The following ZPBP variants were observed in gnomAD, a reference collection of about 807,000 sequenced individuals.
ZPBP encodes the protein zona pellucida binding protein, also known as zona pellucida-binding protein 1.
A neutral mutation model predicts 44.8 loss-of-function variants in ZPBP; 26 were observed. The ratio of observed to expected loss-of-function variants is 0.58; its 90% CI spans 0.43 to 0.81. The LOEUF (loss-of-function observed/expected upper bound fraction) is 0.81, where lower values mean the gene tolerates loss of function less well. Ranked by LOEUF, ZPBP falls within the 30% of genes least tolerant of loss-of-function variation. The pLI is 0.00. For synonymous variants in ZPBP, 174 were observed against 153.2 expected (o/e 1.14, Z -1.00); for missense variants, 409 against 434.0 (o/e 0.94, Z 0.51).
intron 6 of ZPBP, among the ~76,000 whole-genome samples, chr7:50,010,535 A>G (rs1286045870): frequency 2.0e-5 from 3 of 152,188 alleles, no homozygotes; most frequent in Non-Finnish European, 1.5e-5. Flanking sequence ...TACACAAATC[A>G]GTTGCACTGC....
At chr7:49,878,217 G>A (rs1248325279) in intron 2 of ZPBP, among the ~76,000 whole-genome samples, 3 of 151,956 alleles carry the variant, frequency 2.0e-5, no homozygotes, top group Non-Finnish European at 4.4e-5. Context: ...ACATATATTC[G>A]TTCCTTGTAT....
rs1472673101 is a variant in ZPBP at position 50,069,075 on chromosome 7, C to T, written c.335-10934G>A. 1.9e-4 allele frequency among the ~76,000 whole-genome samples: 29 copies of T among 152,302 alleles called. No homozygotes were observed. The East Asian group carries it at 2.5e-3, about 13-fold the overall frequency. Reference sequence around the variant, plus strand: ...AACTTGGGCACGGCCAGATCTGAGACGGCCTGCCTGACTTTTTGAGCCTTT... The same window carrying T: ...AACTTGGGCACGGCCAGATCTGAGATGGCCTGCCTGACTTTTTGAGCCTTT... On this transcript the variant is annotated intron_variant, in intron 3 of 7. Transcript: ENST00000046087.
intron 1 of ZPBP, among the ~76,000 whole-genome samples, chr7:49,903,381 T>C (rs1408738389): frequency 1.3e-5 from 2 of 152,184 alleles, no homozygotes; most frequent in African/African-American, 4.8e-5. Flanking sequence ...GGTACAGCCA[T>C]ACCATGGAAT....
At chr7:49,961,060 A>G in intron 7 of ZPBP, among the ~76,000 whole-genome samples, 1 of 152,202 alleles carries the variant, frequency 6.6e-6, no homozygotes, top group South Asian at 2.1e-4. Flanking sequence ...TTAAAAATAA[A>G]TAAAGTTAAA....
intron 7 of ZPBP, among the ~76,000 whole-genome samples, chr7:49,957,414 C>G (rs977729457): frequency 3.3e-5 from 5 of 152,158 alleles, no homozygotes; most frequent in African/African-American, 1.2e-4. Flanking sequence ...AAAGAGAGGC[C>G]TAGTGGGCCC....
intron 7 of ZPBP, among the ~76,000 whole-genome samples, chr7:49,981,622 T>TATTATACTA (rs1562820285): frequency 1.0e-4 from 1 of 9,536 alleles, no homozygotes; most frequent in Admixed American, 1.2e-3. Flanking sequence ...TTATATTATA[T>TATTATACTA]TATATTATAT....
intron 4 of ZPBP, among the ~76,000 whole-genome samples, chr7:50,052,300 A>G (rs976720052): frequency 8.5e-5 from 13 of 152,246 alleles, no homozygotes; most frequent in Admixed American, 2.0e-4. Flanking sequence ...ATATGAACAG[A>G]AATTTTACCT....
chr7:50,008,587 A>C (rs1296303081), intron 6 of ZPBP, among the ~76,000 whole-genome samples: 5 of 152,146 alleles, frequency 3.3e-5, no homozygotes, highest in Non-Finnish European at 7.4e-5. Flanking sequence ...GAACAGAAAA[A>C]CTGAAAGGCT....
At chr7:50,004,002 A>G (rs1286985480) in intron 6 of ZPBP, among the ~76,000 whole-genome samples, 1 of 152,128 alleles carries the variant, frequency 6.6e-6, no homozygotes, top group Non-Finnish European at 1.5e-5. Context: ...CAAAATTAGA[A>G]TAATAATAAT....
chr7:49,877,046 A>G (rs1339822193), intron 2 of ZPBP, among the ~76,000 whole-genome samples: 1 of 152,160 alleles, frequency 6.6e-6, no homozygotes, highest in African/African-American at 2.4e-5. Flanking sequence ...AGTCTCCTCC[A>G]GATTACAGCT....
intron 4 of ZPBP, among the ~76,000 whole-genome samples, chr7:50,034,128 A>G (rs1350695779): frequency 6.6e-6 from 1 of 152,114 alleles, no homozygotes; most frequent in Non-Finnish European, 1.5e-5. Context: ...AGAAAAATTT[A>G]AAAACTATAG....
chr7:50,086,155 C>T (rs1802635955), intron 2 of ZPBP, among the ~76,000 whole-genome samples: 1 of 152,048 alleles, frequency 6.6e-6, no homozygotes, highest in African/African-American at 2.4e-5. Flanking sequence ...GAATACATAA[C>T]TTACACAGTT....
At chr7:49,864,954 G>T (rs1032152039) in intron 2 of ZPBP, among the ~76,000 whole-genome samples, 1 of 152,158 alleles carries the variant, frequency 6.6e-6, no homozygotes, top group Non-Finnish European at 1.5e-5. Context: ...GACAGTTCCT[G>T]TTTGTTTTTC....
At chr7:49,939,678 G>T (rs113553469) in intron 7 of ZPBP, among the ~76,000 whole-genome samples, 3 of 151,954 alleles carry the variant, frequency 2.0e-5, no homozygotes, top group South Asian at 2.1e-4. Context: ...TTAAAATTAA[G>T]AAATTAATTT....
chr7:49,890,960 A>G (rs1274745871), intron 2 of ZPBP, among the ~76,000 whole-genome samples: 2 of 152,194 alleles, frequency 1.3e-5, no homozygotes, highest in East Asian at 3.8e-4. Context: ...AAATGAGATA[A>G]AAGGAACAAA....
intron 7 of ZPBP, among the ~76,000 whole-genome samples, chr7:49,949,753 T>C (rs1397863583): frequency 1.3e-5 from 2 of 152,058 alleles, no homozygotes; most frequent in Non-Finnish European, 2.9e-5. Context: ...CCACTGTGTA[T>C]TTAAATTATA....
At chr7:49,959,821 T>A (rs886362257) in intron 7 of ZPBP, among the ~76,000 whole-genome samples, 2 of 152,176 alleles carry the variant, frequency 1.3e-5, no homozygotes, top group African/African-American at 4.8e-5. Context: ...GCTGGAGGAT[T>A]ATCCTATGTG....
intron 7 of ZPBP, among the ~76,000 whole-genome samples, chr7:49,982,846 G>A (rs537005392): frequency 7.9e-5 from 12 of 151,870 alleles, no homozygotes; most frequent in African/African-American, 1.2e-4. Flanking sequence ...CTCTTCTATA[G>A]TAAAGATGAA....
At chr7:49,873,171 G>T (rs1791246771) in intron 2 of ZPBP, among the ~76,000 whole-genome samples, 1 of 152,070 alleles carries the variant, frequency 6.6e-6, no homozygotes, top group Admixed American at 6.6e-5. Context: ...AATTTGTCTT[G>T]GTCTGTTCGG....
Sources: gnomAD v4.1 joint callset for allele counts (sites outside exome capture counted in the v4.1 genomes callset) on GRCh38, gnomAD v4.1.1 for gene constraint, MANE v1.5 for transcripts, NCBI Gene and HGNC (gene_info 2026-07-23, HGNC 2026-07-21) for gene names.